Variants in RBM38 observed in about 807,000 individuals in gnomAD.
RBM38 encodes the protein RNA binding motif protein 38, also known as RNA-binding protein 38.
In RBM38, 11 loss-of-function variants were observed where a neutral mutation model predicts 23.5. The ratio of observed to expected loss-of-function variants is 0.47; its 90% confidence interval spans 0.29 to 0.77. RBM38 has a LOEUF of 0.77. RBM38 is among the 30% of genes least tolerant of loss of function. The pLI is 0.08. For missense variants in RBM38, 330 were observed against 351.9 expected (o/e 0.94, Z 0.50); for synonymous variants, 165 against 166.1 (o/e 0.99, Z 0.05).
chr20:57,405,530 G>A (rs1202818590), intron 3 of RBM38, among the ~76,000 whole-genome samples: 1 of 152,210 alleles, frequency 6.6e-6, no homozygotes, highest in Non-Finnish European at 1.5e-5. Flanking sequence ...GGCCACAGCA[G>A]CCACTAGGAT....
chr20:57,400,779 GT>G (rs1188390879), intron 3 of RBM38, among the ~76,000 whole-genome samples: 1 of 152,148 alleles, frequency 6.6e-6, no homozygotes, highest in Admixed American at 6.5e-5. Context: ...GAGGATAGAA[GT>G]TTTCTGCAGA....
chr20:57,401,751 C>G (rs1377063199), intron 3 of RBM38, among the ~76,000 whole-genome samples: 1 of 152,062 alleles, frequency 6.6e-6, no homozygotes, highest in Non-Finnish European at 1.5e-5. Flanking sequence ...GGGAAGGAGT[C>G]GAATCTGGGA....
chr20:57,400,434 C>T (rs568927586), intron 3 of RBM38, among the ~76,000 whole-genome samples: 11 of 152,334 alleles, frequency 7.2e-5, no homozygotes, highest in Non-Finnish European at 1.2e-4. Context: ...GCATGCCCAA[C>T]CCTCCCGGCA....
chr20:57,405,271 G>T (rs2067370448), intron 3 of RBM38, among the ~76,000 whole-genome samples: 1 of 152,230 alleles, frequency 6.6e-6, no homozygotes, highest in East Asian at 1.9e-4. Flanking sequence ...CGAGGGCAGG[G>T]GCTCTGTGGT....
rs2067407297 is a variant in RBM38, at chr20:57,408,118, G to A, written c.*272G>A. On this transcript the variant is annotated 3_prime_UTR_variant, in exon 4 of 4. Coordinates refer to ENST00000356208, the MANE Select transcript of RBM38 (RefSeq NM_017495.6). ...AATCCCAGGTTCCTTGCACACCATGGCAGCCTCTCCTTGCACCTTCTCCTG... is the reference window on the plus strand; with the variant it reads ...AATCCCAGGTTCCTTGCACACCATGACAGCCTCTCCTTGCACCTTCTCCTG... The A allele has an allele frequency of 5.7e-6, 3 of 524,342 alleles. No individual in the cohort carries two copies. Among genetic ancestry groups the A allele is most frequent in the African/African-American group, 3.8e-5 (2 of 52,214 alleles). 32.5% of individuals were successfully genotyped at this position (524,342 alleles called of 1,614,324 possible).
rs780859344 is a variant in RBM38 at position 57,407,732 on chromosome 20, C to T, written c.606C>T (p.Phe202=). The T allele has an allele frequency of 1.1e-5, 17 of 1,611,580 alleles. No individual in the cohort carries two copies. Among genetic ancestry groups the T allele is most frequent in the Admixed American group, 1.7e-5 (1 of 59,948 alleles). ...CCTCGCCTGCCACGGCTGCCAGCTT[C>T]GTGGGCTACAGCTACCCTGCCGCCG... The part of the protein sequence containing the change: ...YAASPATAAS[F]VGYSYPAAVP... Residue 202 remains phenylalanine (F), a synonymous_variant, in exon 4 of 4, where the codon TTC becomes TTT. Transcript: ENST00000356208. This position sits in a 1 kb window ranked among gnomAD's most constrained non-coding sequence, Gnocchi z 4.0.
chr20:57,403,129 G>A (rs1051177302), intron 3 of RBM38, among the ~76,000 whole-genome samples: 5 of 152,128 alleles, frequency 3.3e-5, no homozygotes, highest in South Asian at 2.1e-4. Context: ...AACTAGGACC[G>A]TCCCTAGGCA....
chr20:57,403,542 T>C (rs1185717997), intron 3 of RBM38, among the ~76,000 whole-genome samples: 1 of 152,178 alleles, frequency 6.6e-6, no homozygotes, highest in Non-Finnish European at 1.5e-5. Flanking sequence ...AGTCCCTTGC[T>C]CTGCGATGGG....
At position 57,408,711 on chromosome 20, in the gene RBM38, C is replaced by T. The variant is rs1384520019; in HGVS notation, c.*865C>T. 2 of 151,626 alleles carry T rather than the reference C, an allele frequency of 1.3e-5. No individual in the cohort carries two copies. Among genetic ancestry groups the T allele is most frequent in the Non-Finnish European group, 2.9e-5 (2 of 67,886 alleles). 9.4% of individuals were successfully genotyped at this position (151,626 alleles called of 1,614,324 possible). A position where few individuals can be genotyped will look rare whatever the true frequency, so the allele number is the denominator to read the frequency against. ...CTCTCGGTGGGATGGGCACCACAGA[C>T]AGGAGGCCCCTCAGGCCCGTGCGGG... On this transcript the variant is annotated 3_prime_UTR_variant, in exon 4 of 4. Coordinates refer to ENST00000356208, the MANE Select transcript of RBM38 (RefSeq NM_017495.6).
rs573574718 is a variant in RBM38 at position 57,396,009 on chromosome 20, G to A, written c.416+2676G>A. 3.3e-5 allele frequency among the ~76,000 whole-genome samples: 5 copies of A among 152,316 alleles called. No individual in the cohort carries two copies. In the East Asian group the frequency reaches 7.7e-4, roughly 24 times the overall value. On this transcript the variant is annotated intron_variant, in intron 3 of 3. Transcript: ENST00000356208. Reference sequence around the variant, plus strand: ...AACTCTTCCTTGACTTTCTGACCCCGACCTTTTATACCTTGCCCTGGACAA... The same window carrying A: ...AACTCTTCCTTGACTTTCTGACCCCAACCTTTTATACCTTGCCCTGGACAA...
At chr20:57,399,994 G>C (rs1462633233) in intron 3 of RBM38, 24 of 456,276 alleles carry the variant, frequency 5.3e-5, no homozygotes, top group South Asian at 3.6e-4. Context: ...TGCGAGTTCT[G>C]CTTTGAGTGT....
intron 1 of RBM38, chr20:57,392,338 G>C (rs1417034617): frequency 8.2e-7 from 1 of 1,219,072 alleles, no homozygotes; most frequent in Non-Finnish European, 1.1e-6. Flanking sequence ...TCACTGGTGG[G>C]CAAGTCCAGG....
At chr20:57,392,987 G>T (rs1368594258) in intron 2 of RBM38, 15 of 733,144 alleles carry the variant, frequency 2.0e-5, no homozygotes, top group South Asian at 7.5e-5. Flanking sequence ...CGGGGGGCAG[G>T]GAGGGTACTG....
At chr20:57,406,657 G>A (rs993431611) in intron 3 of RBM38, among the ~76,000 whole-genome samples, 2 of 152,126 alleles carry the variant, frequency 1.3e-5, no homozygotes, top group African/African-American at 2.4e-5. Flanking sequence ...ACATCCTCAC[G>A]GAGCTGCTGC....
intron 3 of RBM38, among the ~76,000 whole-genome samples, chr20:57,405,346 A>C (rs1600758394): frequency 6.6e-6 from 1 of 152,158 alleles, no homozygotes; most frequent in Admixed American, 6.5e-5. Flanking sequence ...TCAGAATTCA[A>C]ACCCAGGCCT....
intron 3 of RBM38, chr20:57,399,981 C>A (rs148729133): frequency 1.3e-5 from 6 of 456,290 alleles, no homozygotes; most frequent in African/African-American, 1.0e-4. Flanking sequence ...CAGTTCTTTT[C>A]GCTGCGAGTT....
intron 3 of RBM38, among the ~76,000 whole-genome samples, chr20:57,393,961 C>T (rs2067247372): frequency 6.6e-6 from 1 of 152,048 alleles, no homozygotes; most frequent in South Asian, 2.1e-4. Context: ...TTTAAAACAT[C>T]TAGTAAGTCC....
intron 3 of RBM38, among the ~76,000 whole-genome samples, chr20:57,403,400 C>T (rs995697172): frequency 2.0e-5 from 3 of 152,252 alleles, no homozygotes; most frequent in African/African-American, 7.2e-5. Context: ...ACCTTAACTT[C>T]AGCCGGTGTT....
intron 3 of RBM38, chr20:57,399,889 T>C (rs1219599753): frequency 2.2e-6 from 1 of 456,226 alleles, no homozygotes; most frequent in African/African-American, 2.0e-5. Flanking sequence ...GCAGGGAAAG[T>C]GAAATGGGCT....
Sources: allele counts gnomAD v4.1 joint callset (sites outside exome capture counted in the v4.1 genomes callset), GRCh38; gene constraint gnomAD v4.1.1; non-coding constraint Gnocchi (gnomAD v3.1); transcripts MANE v1.5; gene names NCBI Gene and HGNC (gene_info 2026-07-23, HGNC 2026-07-21).